KCNK2: variants seen among roughly 807,000 people sequenced by gnomAD.
KCNK2 encodes the protein potassium two pore domain channel subfamily K member 2.
Under a neutral mutation model 40.5 loss-of-function variants are expected in KCNK2, and 21 were observed. The ratio of observed to expected loss-of-function variants is 0.52; its 90% CI spans 0.37 to 0.75. KCNK2 has a LOEUF of 0.75. KCNK2 is among the 30% of genes least tolerant of loss of function. KCNK2 has a pLI of 0.00. For missense variants in KCNK2, 399 were observed against 531.6 expected (o/e 0.75, Z 2.45); for synonymous variants, 191 against 202.2 (o/e 0.94, Z 0.47).
upstream of KCNK2, among the ~76,000 whole-genome samples, chr1:215,078,777 A>G (rs549846845): frequency 1.4e-4 from 22 of 152,300 alleles, no homozygotes; most frequent in Non-Finnish European, 2.1e-4. Flanking sequence ...TCAGTGTATT[A>G]TCTCCATTTT....
chr1:215,151,553 A>C (rs1662684924), intron 3 of KCNK2, among the ~76,000 whole-genome samples: 1 of 152,002 alleles, frequency 6.6e-6, no homozygotes, highest in South Asian at 2.1e-4. Flanking sequence ...TTTTTATATA[A>C]GTTCATGAAG....
chr1:215,190,618 G>A (rs993049514), intron 5 of KCNK2, among the ~76,000 whole-genome samples: 10 of 152,270 alleles, frequency 6.6e-5, no homozygotes, highest in African/African-American at 2.2e-4. Context: ...ATTTCAAGGA[G>A]CCCATACAAA....
chr1:215,010,868 T>G (rs11120461), intron 1 of KCNK2, among the ~76,000 whole-genome samples: 74,622 of 136,174 alleles, frequency 0.55, 21,454 homozygotes, highest in Middle Eastern at 0.76. Context: ...TTTTTTTTTT[T>G]TGTGTGTGTG....
In KCNK2 at chr1:215,032,496, T is replaced by C. The variant is rs537525168; in HGVS notation, c.34+26541T>C. ...TTCACTTAAACTCTGCCTTTCTGTA[T>C]GTAGATTTGAGTTTCTGATCCATAT... is the stretch of plus-strand genomic sequence containing the variant. On this transcript the variant is annotated intron_variant, in intron 1 of 6. Transcript: ENST00000391895. Among the ~76,000 whole-genome samples the C allele has an allele frequency of 2.0e-5, 3 of 152,318 alleles. No homozygotes were observed. In the South Asian group the frequency reaches 6.2e-4, roughly 32 times the overall value.
chr1:215,191,017 G>T (rs1254066256), intron 5 of KCNK2, among the ~76,000 whole-genome samples: 4 of 151,298 alleles, frequency 2.6e-5, no homozygotes, highest in Non-Finnish European at 5.9e-5. Context: ...AGGCATGGTG[G>T]CTCATGCCTG....
chr1:215,104,440 A>C (rs1660349543), intron 2 of KCNK2, among the ~76,000 whole-genome samples: 1 of 151,948 alleles, frequency 6.6e-6, no homozygotes. Flanking sequence ...TGCCCTACAC[A>C]GCAGCAGTTT....
At chr1:215,027,403 A>T (rs1274197732) in intron 1 of KCNK2, among the ~76,000 whole-genome samples, 2 of 152,176 alleles carry the variant, frequency 1.3e-5, no homozygotes, top group African/African-American at 4.8e-5. Flanking sequence ...AAATATTTCC[A>T]TTAACTTTTC....
intron 1 of KCNK2, among the ~76,000 whole-genome samples, chr1:215,026,041 G>A (rs1359845912): frequency 6.6e-6 from 1 of 151,838 alleles, no homozygotes; most frequent in Non-Finnish European, 1.5e-5. Flanking sequence ...ATTTGTGTTG[G>A]CCTCATAGGG....
chr1:215,066,379 CT>C (rs1658544033), intron 1 of KCNK2, among the ~76,000 whole-genome samples: 1 of 152,132 alleles, frequency 6.6e-6, no homozygotes, highest in Non-Finnish European at 1.5e-5. Context: ...AAATTTACCC[CT>C]GTATTCCTGT....
intron 2 of KCNK2, among the ~76,000 whole-genome samples, chr1:215,094,541 G>A (rs747052459): frequency 4.6e-5 from 7 of 152,048 alleles, no homozygotes; most frequent in African/African-American, 1.2e-4. Flanking sequence ...ACTCCCCCAC[G>A]TGCTACTTTC....
intron 3 of KCNK2, among the ~76,000 whole-genome samples, chr1:215,134,441 A>T (rs74140930): frequency 6.6e-6 from 1 of 152,122 alleles, no homozygotes; most frequent in African/African-American, 2.4e-5. Flanking sequence ...AAAGACATAC[A>T]TAGGGAAAGG....
chr1:215,041,184 G>A (rs966397148), intron 1 of KCNK2, among the ~76,000 whole-genome samples: 1 of 152,012 alleles, frequency 6.6e-6, no homozygotes, highest in African/African-American at 2.4e-5. Context: ...TCTTTTTGGA[G>A]ATTAAGTAAG....
chr1:215,133,716 T>C (rs549305487), intron 3 of KCNK2, among the ~76,000 whole-genome samples: 2 of 152,156 alleles, frequency 1.3e-5, no homozygotes, highest in African/African-American at 2.4e-5. Flanking sequence ...TGCATGATGT[T>C]TACAAAAAAA....
At chr1:215,026,148 A>G (rs944995965) in intron 1 of KCNK2, among the ~76,000 whole-genome samples, 1 of 152,020 alleles carries the variant, frequency 6.6e-6, no homozygotes, top group Non-Finnish European at 1.5e-5. Flanking sequence ...GATTTACTCA[A>G]CTGTGAATAG....
At chr1:215,044,546 G>C (rs1230649549) in intron 1 of KCNK2, among the ~76,000 whole-genome samples, 1 of 152,020 alleles carries the variant, frequency 6.6e-6, no homozygotes, top group Non-Finnish European at 1.5e-5. Flanking sequence ...CTATATTATA[G>C]GTAGATATTT....
chr1:215,027,676 T>C lies in KCNK2; in HGVS notation c.34+21721T>C, dbSNP rs1657044992. On this transcript the variant is annotated intron_variant, in intron 1 of 6. Coordinates refer to the KCNK2 transcript ENST00000391895. ...TGTACATTCCTCCGTGTGATTGATC[T>C]ATTTCAATCATGTTGATACTTAATT... Among the ~76,000 whole-genome samples the C allele has an allele frequency of 2.6e-5, 4 of 152,234 alleles. 1 individual carries two copies. Among genetic ancestry groups the C allele is most frequent in the Admixed American group, 1.3e-4 (2 of 15,286 alleles).
At chr1:215,102,125 G>A (rs183473649) in intron 2 of KCNK2, among the ~76,000 whole-genome samples, 113 of 152,040 alleles carry the variant, frequency 7.4e-4, no homozygotes, top group Non-Finnish European at 2.9e-4. Flanking sequence ...TAAGTTAACT[G>A]TAAAAGTGTC....
chr1:215,057,526 G>T lies in KCNK2; in HGVS notation c.35-28842G>T, dbSNP rs138030144. ...TTAGGAACAGTGATTTTGTGGAGTG[G>T]AAGCTACAGTGACCTGCTTTTATGT... On this transcript the variant is annotated intron_variant, in intron 1 of 6. Transcript: ENST00000391895. Among the ~76,000 whole-genome samples, 198 of 152,246 alleles carry T rather than the reference G, an allele frequency of 1.3e-3. 8 individuals are homozygous for T. The highest frequency in any genetic ancestry group is 6.8e-3 in the Middle Eastern group (2 of 294).
Position 215,220,139 on chromosome 1 carries a change from C to T in KCNK2, c.964-14689C>T, listed in dbSNP as rs1019763439. On this transcript the variant is annotated intron_variant, in intron 6 of 6. Coordinates refer to ENST00000444842, the MANE Select transcript of KCNK2 (RefSeq NM_001017425.3). The stretch of plus-strand genomic sequence containing the variant: ...TTATACTCATGCATATGCATATTTC[C>T]ATATCTGTTTATTTTATATCTATAT... 5.3e-5 allele frequency among the ~76,000 whole-genome samples: 8 copies of T among 152,154 alleles called. No individual in the cohort carries two copies. The East Asian group carries it at 1.3e-3, about 26-fold the overall frequency.
Sources: gnomAD v4.1 joint callset for allele counts (sites outside exome capture counted in the v4.1 genomes callset) on GRCh38, gnomAD v4.1.1 for gene constraint, MANE v1.5 for transcripts, NCBI Gene and HGNC (gene_info 2026-07-23, HGNC 2026-07-21) for gene names.